Variants in SETD3 observed in about 807,000 individuals in gnomAD.
SETD3 encodes the protein actin-histidine N-methyltransferase.
In SETD3, 19 loss-of-function variants were observed where a neutral mutation model predicts 63.0. That is an observed-to-expected ratio of 0.30 (90% confidence interval 0.21 to 0.44). The LOEUF is 0.44. Ranked by LOEUF, SETD3 falls within the 20% of genes least tolerant of loss-of-function variation. The probability of loss-of-function intolerance (pLI) is 1.00; values close to 1 mark genes in which losing one functional copy is unlikely to be tolerated. For missense variants in SETD3, 587 were observed against 728.5 expected (o/e 0.81, Z 2.24); for synonymous variants, 286 against 264.1 (o/e 1.08, Z -0.80).
At chr14:99,430,960 CCTA>C (rs1566702941) in intron 6 of SETD3, among the ~76,000 whole-genome samples, 1 of 152,196 alleles carries the variant, frequency 6.6e-6, no homozygotes, top group African/African-American at 2.4e-5. Flanking sequence ...ACACTGAGTG[CCTA>C]CTGTGTGCCA....
At chr14:99,428,933 C>T (rs1279108923) in intron 6 of SETD3, among the ~76,000 whole-genome samples, 1 of 152,130 alleles carries the variant, frequency 6.6e-6, no homozygotes, top group Non-Finnish European at 1.5e-5. Context: ...CCAACTAAGC[C>T]ATGCCTGCCT....
chr14:99,428,003 G>A (rs946237705), intron 6 of SETD3, among the ~76,000 whole-genome samples: 4 of 152,320 alleles, frequency 2.6e-5, no homozygotes, highest in South Asian at 4.1e-4. Context: ...GGAAAGGAGG[G>A]CTTGTTAAGG....
Position 99,404,235 on chromosome 14 carries a change from A to G in SETD3, c.1167T>C (p.Cys389=), listed in dbSNP as rs7143302. ...AQLLAFLRVF[C]MTEEELKEHL... is the part of the protein sequence containing the mutation. Reference sequence around the variant, plus strand: ...CCTGAAATGACTTACCTTCAGTCATACAGAATACTCGGAGAAAAGCCAAAA... The same window carrying G: ...CCTGAAATGACTTACCTTCAGTCATGCAGAATACTCGGAGAAAAGCCAAAA... Residue 389 remains cysteine, a synonymous_variant, in exon 11 of 13, where the codon TGT becomes TGC. Coordinates refer to ENST00000331768, the MANE Select transcript of SETD3 (RefSeq NM_032233.3). 12,201 of 1,613,842 alleles carry G rather than the reference A, an allele frequency of 7.6e-3. 764 individuals carry two copies. In the African/African-American group the frequency reaches 0.14, roughly 19 times the overall value.
chr14:99,458,559 G>C, intron 5 of SETD3, 24 bp from the exon 6 acceptor site: 2 of 1,589,060 alleles, frequency 1.3e-6, no homozygotes, highest in Non-Finnish European at 1.7e-6. Flanking sequence ...GAAGTTAACA[G>C]CGTAAGTTCC....
chr14:99,481,205 G>C, upstream of SETD3: 1 of 391,886 alleles, frequency 2.6e-6, no homozygotes, highest in Non-Finnish European at 4.5e-6. Context: ...CGAGGGGCGG[G>C]ACCGACGGGA....
intron 1 of SETD3, among the ~76,000 whole-genome samples, chr14:99,467,131 G>A (rs1314312231): frequency 1.3e-5 from 2 of 152,150 alleles, no homozygotes; most frequent in African/African-American, 2.4e-5. Flanking sequence ...ACAGGCTAAC[G>A]TGTGTATCTT....
intron 2 of SETD3, among the ~76,000 whole-genome samples, chr14:99,465,502 C>T (rs1429511801): frequency 2.0e-5 from 3 of 152,214 alleles, no homozygotes; most frequent in Non-Finnish European, 4.4e-5. Flanking sequence ...TTGTTAACAG[C>T]CACACAGTTC....
chr14:99,410,160 A>C (rs1179257930), intron 8 of SETD3: 2 of 1,601,236 alleles, frequency 1.2e-6, no homozygotes, highest in Non-Finnish European at 1.7e-6. Flanking sequence ...TAAGTGCCTA[A>C]GGAATGGAGG....
intron 6 of SETD3, among the ~76,000 whole-genome samples, chr14:99,418,393 C>T (rs1472768090): frequency 6.6e-6 from 1 of 152,162 alleles, no homozygotes; most frequent in East Asian, 1.9e-4. Flanking sequence ...GACTAATTAG[C>T]CAGGAACAGA....
At position 99,413,021 on chromosome 14, in the gene SETD3, G is replaced by T; in HGVS notation, c.779C>A (p.Thr260Lys). The change falls in exon 8 of 13, where the codon ACA becomes AAA. Residue 260 changes from threonine to lysine, a missense_variant. By Grantham distance (78) the Thr-to-Lys change is moderately conservative. Coordinates refer to ENST00000331768, the MANE Select transcript of SETD3 (RefSeq NM_032233.3). ...SVMTRQNQIPTEDGSRVTLAL... is the reference protein window; with the variant it reads ...SVMTRQNQIPKEDGSRVTLAL... ...CAGGGTCACGCGGGAACCATCCTCT[G>T]TGGGAATTTGGTTTTGCCTCGTCAT... 1 of 1,614,120 alleles carries T rather than the reference G, an allele frequency of 6.2e-7. No homozygotes were observed. The highest frequency in any genetic ancestry group is 1.7e-5 in the Admixed American group (1 of 60,034).
chr14:99,479,201 G>T (rs1186436478), intron 1 of SETD3, among the ~76,000 whole-genome samples: 1 of 152,200 alleles, frequency 6.6e-6, no homozygotes, highest in Non-Finnish European at 1.5e-5. Flanking sequence ...GGGCAGACAG[G>T]AAAGGGGTAG....
chr14:99,480,204 G>A (rs779418267), intron 1 of SETD3, among the ~76,000 whole-genome samples: 19 of 152,288 alleles, frequency 1.2e-4, no homozygotes, highest in Non-Finnish European at 1.6e-4. Flanking sequence ...TCGCAGAGAG[G>A]AACATAAAAC....
chr14:99,484,042 AT>A (rs1181473701), upstream of SETD3, among the ~76,000 whole-genome samples: 1 of 152,270 alleles, frequency 6.6e-6, no homozygotes, highest in Non-Finnish European at 1.5e-5. Context: ...CTCAAAAAAA[AT>A]AAAAAATAAA....
rs1555362611 is a variant in SETD3, at chr14:99,459,191, G to A, written c.346-6C>T. The stretch of plus-strand genomic sequence containing the variant: ...CATAAAAACAATTCTTCTGCCTAGG[G>A]AAAAAAATAATAATAGGAGAATCAT... On this transcript the variant is annotated splice_region_variant and splice_polypyrimidine_tract_variant and intron_variant, in intron 4 of 12. Transcript: ENST00000331768. The A allele has an allele frequency of 2.5e-6, 4 of 1,598,220 alleles. No homozygotes were observed. The Admixed American group carries it at 6.8e-5, about 27-fold the overall frequency.
Position 99,435,612 on chromosome 14 carries a change from C to T in SETD3, c.676-21678G>A, listed in dbSNP as rs372030434. Among the ~76,000 whole-genome samples, 9 of 152,166 alleles carry T rather than the reference C, an allele frequency of 5.9e-5. No individual in the cohort carries two copies. In the East Asian group the frequency reaches 1.7e-3, roughly 29 times the overall value. ...CCCCTCTTCAGCACCCCTAAAGGGC[C>T]ATGACAGGAAGCTCTATTTGTAAAA... On this transcript the variant is annotated intron_variant, in intron 6 of 12. Transcript: ENST00000331768.
chr14:99,415,747 T>C (rs926931539), intron 6 of SETD3, among the ~76,000 whole-genome samples: 3 of 152,150 alleles, frequency 2.0e-5, no homozygotes, highest in African/African-American at 7.2e-5. Context: ...ACACTGTACA[T>C]AAATCTGGTT....
intron 6 of SETD3, among the ~76,000 whole-genome samples, chr14:99,456,783 CTG>C (rs1323517721): frequency 6.6e-6 from 1 of 152,142 alleles, no homozygotes; most frequent in Non-Finnish European, 1.5e-5. Flanking sequence ...TGAAGCAAAG[CTG>C]CACTACTTAG....
Position 99,447,120 on chromosome 14 carries a change from C to T in SETD3, c.675+11159G>A, listed in dbSNP as rs543661961. Among the ~76,000 whole-genome samples the T allele has an allele frequency of 6.6e-5, 10 of 152,226 alleles. No individual in the cohort carries two copies. In the South Asian group the frequency reaches 1.7e-3, roughly 25 times the overall value. On this transcript the variant is annotated intron_variant, in intron 6 of 12. Coordinates refer to ENST00000331768, the MANE Select transcript of SETD3 (RefSeq NM_032233.3). ...CCAAGTATCTGGGACTACAGGCGCA[C>T]GCCACCACGCCCAGCTAATTTGTGT...
chr14:99,405,242 T>C lies in SETD3; in HGVS notation c.1054A>G (p.Met352Val), dbSNP rs1891618162. ...GCACGAGCCAAGACCTCGGCCTTCA[T>C]GGCGTAGAGTCTGTCACTTTTACTC... The part of the protein sequence containing the change: ...GVSKSDRLYA[M>V]KAEVLARAGI... The change falls in exon 10 of 13, where the codon ATG (methionine) becomes GTG (valine). Residue 352 changes from methionine to valine, a missense_variant. By Grantham distance (21) the Met-to-Val change is conservative. Transcript: ENST00000331768. 7 of 1,613,976 alleles carry C rather than the reference T, an allele frequency of 4.3e-6. No individual in the cohort carries two copies. The highest frequency in any genetic ancestry group is 5.9e-6 in the Non-Finnish European group (7 of 1,179,946).
Sources: allele counts gnomAD v4.1 joint callset (sites outside exome capture counted in the v4.1 genomes callset), GRCh38; gene constraint gnomAD v4.1.1; transcripts MANE v1.5; gene names NCBI Gene and HGNC (gene_info 2026-07-23, HGNC 2026-07-21).